Variants in SIGLEC11 observed in about 807,000 individuals in gnomAD.
SIGLEC11 encodes the protein sialic acid-binding Ig-like lectin 11.
In SIGLEC11, 47 loss-of-function variants were observed where a neutral mutation model predicts 61.2. The ratio of observed to expected loss-of-function variants is 0.77; its 90% CI spans 0.61 to 0.98. SIGLEC11 has a LOEUF of 0.98. Ranked by LOEUF, SIGLEC11 falls within the 50% of genes least tolerant of loss-of-function variation. The probability of loss-of-function intolerance (pLI) is 0.00; values close to 1 mark genes in which losing one functional copy is unlikely to be tolerated. For missense variants in SIGLEC11, 610 were observed against 870.3 expected (o/e 0.70, Z 3.76); for synonymous variants, 278 against 373.1 (o/e 0.75, Z 2.94).
chr19:49,950,333 G>T, intron 10 of SIGLEC11, 97 bp from the exon 11 acceptor site: 1 of 1,279,158 alleles, frequency 7.8e-7, no homozygotes, highest in Non-Finnish European at 1.0e-6. Flanking sequence ...AGTATTTCCT[G>T]TTTCACCTAC....
Position 49,949,790 on chromosome 19 carries a change from T to G in SIGLEC11, c.*180A>C. On this transcript the variant is annotated 3_prime_UTR_variant, in exon 11 of 11. Transcript: ENST00000447370. ...CTGGCAGGTTGAGGCTACAGTGAGC[T>G]GAGATTGCACCACTGGACTCTGGCC... 1.5e-5 allele frequency: 8 copies of G among 531,120 alleles called. No individual in the cohort carries two copies. The highest frequency in any genetic ancestry group is 3.6e-5 in the East Asian group (1 of 27,942). 32.9% of individuals were successfully genotyped at this position (531,120 alleles called of 1,614,324 possible).
In SIGLEC11 at chr19:49,958,240, G is replaced by A. The variant is rs748938352; in HGVS notation, c.1651+43C>T. 30 of 1,602,362 alleles carry A rather than the reference G, an allele frequency of 1.9e-5. No individual in the cohort carries two copies. The South Asian group carries it at 2.9e-4, about 16-fold the overall frequency. On this transcript the variant is annotated intron_variant, in intron 8 of 10. Coordinates refer to ENST00000447370, the MANE Select transcript of SIGLEC11 (RefSeq NM_052884.3). ...TGAACCTTCATCTTTCTAGGATCCT[G>A]TCTCCTTTCTCCCTGAACCTCAGCC...
rs1466098063 is a variant in SIGLEC11 at position 49,951,624 on chromosome 19, T to C, written c.1830+267A>G. Among the ~76,000 whole-genome samples, 1 of 151,244 alleles carries C rather than the reference T, an allele frequency of 6.6e-6. No homozygotes were observed. The highest frequency in any genetic ancestry group is 6.6e-5 in the Admixed American group (1 of 15,198). ...AAGGAGTCGGGGATGCAGGAGGAAA[T>C]GAGGAGTGGGAGGTGGAGGGTCCAC... On this transcript the variant is annotated intron_variant, in intron 10 of 10. Transcript: ENST00000447370. This position sits in a 1 kb window ranked among gnomAD's most constrained non-coding sequence, Gnocchi z 4.6.
rs542557790 is a variant in SIGLEC11, at chr19:49,960,373, C to G, written c.509G>C (p.Gly170Ala). 6.3e-7 allele frequency: 1 copy of G among 1,598,950 alleles called. No homozygotes were observed. Among genetic ancestry groups the G allele is most frequent in the East Asian group, 2.2e-5 (1 of 44,874 alleles). The change falls in exon 3 of 11, where the codon GGG (glycine) becomes GCG (alanine). Residue 170 changes from glycine to alanine, a missense_variant. Physicochemically the swap from Gly to Ala is moderately conservative, Grantham distance 60. Transcript: ENST00000447370. ...CACACAGATGACCGTCACCGGCTGC[C>G]CGGGCTCCAGGGTCTCGGGGATGTA... ...DVYIPETLEP[G>A]QPVTVICVFN...
At chr19:49,950,877 G>C (rs758572851) in intron 10 of SIGLEC11, among the ~76,000 whole-genome samples, 3 of 152,156 alleles carry the variant, frequency 2.0e-5, no homozygotes, top group Non-Finnish European at 2.9e-5. Flanking sequence ...AGATCTACTC[G>C]GACACAATTG....
At position 49,951,365 on chromosome 19, in the gene SIGLEC11, A is replaced by G. The variant is rs1006538149; in HGVS notation, c.1830+526T>C. On this transcript the variant is annotated intron_variant, in intron 10 of 10. Transcript: ENST00000447370. The surrounding 1 kb of genome is among the most constrained non-coding windows in gnomAD (Gnocchi z 4.6). Reference sequence around the variant, plus strand: ...CTGCCCTGAGCACCTCTTCCTGTCCATGATTTTCATCTGTATCGGTCACTA... The same window carrying G: ...CTGCCCTGAGCACCTCTTCCTGTCCGTGATTTTCATCTGTATCGGTCACTA... Among the ~76,000 whole-genome samples, 1 of 152,184 alleles carries G rather than the reference A, an allele frequency of 6.6e-6. No homozygotes were observed. Among genetic ancestry groups the G allele is most frequent in the Non-Finnish European group, 1.5e-5 (1 of 68,022 alleles).
intron 8 of SIGLEC11, among the ~76,000 whole-genome samples, chr19:49,953,341 T>C (rs1034018534): frequency 1.3e-5 from 2 of 152,150 alleles, no homozygotes; most frequent in African/African-American, 4.8e-5. Flanking sequence ...TGATCACTTC[T>C]TGCGGGGTGC....
chr19:49,954,350 T>C (rs760667381), intron 8 of SIGLEC11, among the ~76,000 whole-genome samples: 1 of 152,144 alleles, frequency 6.6e-6, no homozygotes, highest in Non-Finnish European at 1.5e-5. Context: ...TAGCATGCCC[T>C]GAGTCTGACC....
In SIGLEC11 at chr19:49,951,431, G is replaced by A. The variant is rs997900498; in HGVS notation, c.1830+460C>T. Reference sequence around the variant, plus strand: ...AGGATCACAGCTCTCAGTGAGTCCTGCGAGTCCTAGGGGGTTATCCAACCT... The same window carrying A: ...AGGATCACAGCTCTCAGTGAGTCCTACGAGTCCTAGGGGGTTATCCAACCT... On this transcript the variant is annotated intron_variant, in intron 10 of 10. Transcript: ENST00000447370. The surrounding 1 kb of genome is among the most constrained non-coding windows in gnomAD (Gnocchi z 4.6). 1.3e-5 allele frequency among the ~76,000 whole-genome samples: 2 copies of A among 152,152 alleles called. No individual in the cohort carries two copies. The highest frequency in any genetic ancestry group is 2.4e-5 in the African/African-American group (1 of 41,426).
chr19:49,950,061 G>A lies in SIGLEC11; in HGVS notation c.2006C>T (p.Ser669Leu). 7 of 1,605,438 alleles carry A rather than the reference G, an allele frequency of 4.4e-6. No homozygotes were observed. Among genetic ancestry groups the A allele is most frequent in the South Asian group, 2.2e-5 (2 of 90,138 alleles). Residue 669 changes from serine to leucine, a missense_variant, in exon 11 of 11, where the codon TCG becomes TTG. By Grantham distance (145) the Ser-to-Leu change is moderately radical. This residue lies in a region of SIGLEC11 where 432 missense variants were observed against 441.5 expected (regional missense o/e 0.98). Coordinates refer to ENST00000447370, the MANE Select transcript of SIGLEC11 (RefSeq NM_052884.3). ...DQEAPSTTEY[S>L]EIKIHTGQPL... The stretch of plus-strand genomic sequence containing the variant: ...CTGTCCTGTGTGGATCTTGATCTCC[G>A]AGTACTCGGTGGTGCTGGGGGCCTC...
At chr19:49,953,484 G>A (rs966828826) in intron 8 of SIGLEC11, among the ~76,000 whole-genome samples, 4 of 152,178 alleles carry the variant, frequency 2.6e-5, no homozygotes, top group East Asian at 1.9e-4. Flanking sequence ...TGGAGGTGGC[G>A]AGAGTGGCTT....
chr19:49,951,024 T>C lies in SIGLEC11; in HGVS notation c.1831-788A>G, dbSNP rs1462749821. On this transcript the variant is annotated intron_variant, in intron 10 of 10. Transcript: ENST00000447370. The surrounding 1 kb of genome is among the most constrained non-coding windows in gnomAD (Gnocchi z 4.6). ...GTAGGGCCTTGGAATATCCTGCTGG[T>C]AGGAGCATCCCTGTTGACCTGGGAC... 1.3e-5 allele frequency among the ~76,000 whole-genome samples: 2 copies of C among 152,198 alleles called. No individual in the cohort carries two copies. The highest frequency in any genetic ancestry group is 4.8e-5 in the African/African-American group (2 of 41,458).
chr19:49,960,851 C>T lies in SIGLEC11; in HGVS notation c.161G>A (p.Cys54Tyr), dbSNP rs774123029. Residue 54 changes from cysteine (C) to tyrosine (Y), a missense_variant, in exon 2 of 11, where the codon TGC becomes TAC. Cys to Tyr is a radical substitution (Grantham distance 194). Transcript: ENST00000447370. ...VPEGLCVIVS[C>Y]NLSYPRDGWD... ...GCCATCCCGGGGGTAGGAGAGGTTG[C>T]AAGACACGATGACACACAGGCCCTC... The T allele has an allele frequency of 6.2e-7, 1 of 1,605,438 alleles. No individual in the cohort carries two copies. Among genetic ancestry groups the T allele is most frequent in the South Asian group, 1.1e-5 (1 of 90,654 alleles).
rs2076155444 is a variant in SIGLEC11, at chr19:49,951,076, C to T, written c.1830+815G>A. Among the ~76,000 whole-genome samples the T allele has an allele frequency of 6.6e-6, 1 of 152,204 alleles. No homozygotes were observed. The highest frequency in any genetic ancestry group is 1.5e-5 in the Non-Finnish European group (1 of 68,036). ...ACAAGCCAGGCCACATAGTTTACGC[C>T]AGCACTGGGACTTACGGCGGGGCCT... On this transcript the variant is annotated intron_variant, in intron 10 of 10. Coordinates refer to ENST00000447370, the MANE Select transcript of SIGLEC11 (RefSeq NM_052884.3). The surrounding 1 kb of genome is among the most constrained non-coding windows in gnomAD (Gnocchi z 4.6).
intron 8 of SIGLEC11, among the ~76,000 whole-genome samples, chr19:49,953,387 G>A (rs1182074418): frequency 2.0e-5 from 3 of 152,134 alleles, no homozygotes; most frequent in African/African-American, 7.2e-5. Flanking sequence ...GGGGCAGCGA[G>A]AGTGGCTCGT....
intron 8 of SIGLEC11, among the ~76,000 whole-genome samples, chr19:49,957,094 T>C (rs563779834): frequency 1.1e-3 from 160 of 152,314 alleles, no homozygotes; most frequent in Non-Finnish European, 1.9e-3. Flanking sequence ...GTTCTGGCCA[T>C]ACTAGGAAGT....
intron 8 of SIGLEC11, among the ~76,000 whole-genome samples, chr19:49,957,384 G>T (rs979923526): frequency 2.0e-5 from 3 of 150,228 alleles, no homozygotes; most frequent in Non-Finnish European, 2.9e-5. Context: ...CAAGGCAAGG[G>T]TTAAAAAAAA....
At position 49,957,386 on chromosome 19, in the gene SIGLEC11, TA is replaced by T. The variant is rs927077170; in HGVS notation, c.1651+896del. Among the ~76,000 whole-genome samples the T allele has an allele frequency of 4.1e-4, 60 of 145,104 alleles. 1 individual carries two copies. Among genetic ancestry groups the T allele is most frequent in the Middle Eastern group, 3.5e-3 (1 of 286 alleles). On this transcript the variant is annotated intron_variant, in intron 8 of 10. Coordinates refer to ENST00000447370, the MANE Select transcript of SIGLEC11 (RefSeq NM_052884.3). ...AAAAAGTAACAGGCAAGGCAAGGGT[TA>T]AAAAAAAAACAAAAAAAACCCAAGT...
intron 8 of SIGLEC11, among the ~76,000 whole-genome samples, chr19:49,952,736 C>T (rs946350200): frequency 2.0e-5 from 3 of 152,192 alleles, no homozygotes; most frequent in African/African-American, 7.2e-5. Context: ...TTACTCCTTT[C>T]CCTGGCTTCT....
Sources: allele counts gnomAD v4.1 joint callset (sites outside exome capture counted in the v4.1 genomes callset), GRCh38; gene constraint gnomAD v4.1.1; regional missense constraint gnomAD v4.1.1; non-coding constraint Gnocchi (gnomAD v3.1); transcripts MANE v1.5; gene names NCBI Gene and HGNC (gene_info 2026-07-23, HGNC 2026-07-21).